Variants in PIGQ observed in about 807,000 individuals in gnomAD.
PIGQ encodes the protein phosphatidylinositol N-acetylglucosaminyltransferase subunit Q.
In PIGQ, 54 loss-of-function variants were observed where a neutral mutation model predicts 60.3. The ratio of observed to expected loss-of-function variants is 0.90; its 90% CI spans 0.72 to 1.12. The LOEUF is 1.12. Among genes scored for constraint, PIGQ ranks in the 50% most tolerant of loss-of-function variants. The pLI, the probability that PIGQ is intolerant of heterozygous loss-of-function variation, is 0.00. For missense variants in PIGQ, 799 were observed against 793.5 expected, an observed-to-expected ratio of 1.01 and a Z score of -0.08; for synonymous variants, 416 against 363.7, an observed-to-expected ratio of 1.14 and a Z score of -1.64.
chr16:580,911 C>T lies in PIGQ; in HGVS notation c.1470C>T (p.Leu490=), dbSNP rs1253169688. 3 of 1,609,226 alleles carry T rather than the reference C, an allele frequency of 1.9e-6. No homozygotes were observed. Among genetic ancestry groups the T allele is most frequent in the South Asian group, 1.1e-5 (1 of 91,034 alleles). ...GCCTGATCCATCTGCTCGTGGACCT[C>T]ATCAACTCCCTGCCGCTGTACTCAC... The part of the protein sequence containing the change: ...VQGLIHLLVD[L]INSLPLYSLG... The change falls in exon 9 of 11, where the codon CTC becomes CTT. Residue 490 remains leucine, a synonymous_variant. Coordinates refer to ENST00000321878, the MANE Select transcript of PIGQ (RefSeq NM_004204.5).
intron 5 of PIGQ, 48 bp from the exon 6 acceptor site, chr16:578,737 G>C: frequency 2.5e-6 from 4 of 1,595,512 alleles, no homozygotes; most frequent in Non-Finnish European, 3.4e-6. Flanking sequence ...GTGCTGGGCC[G>C]AGGGCTGGGG....
chr16:575,722 C>T lies in PIGQ; in HGVS notation c.690-117C>T, dbSNP rs1017262118. On this transcript the variant is annotated intron_variant, in intron 2 of 10. Coordinates refer to ENST00000321878, the MANE Select transcript of PIGQ (RefSeq NM_004204.5). Reference sequence around the variant, plus strand: ...GCCACCGAGGGCCCCTCCCACCTGCCCCCTGTCCTGCTGAGCTCAGGAGTG... The same window carrying T: ...GCCACCGAGGGCCCCTCCCACCTGCTCCCTGTCCTGCTGAGCTCAGGAGTG... 6 of 1,144,182 alleles carry T rather than the reference C, an allele frequency of 5.2e-6. No homozygotes were observed. The Admixed American group carries it at 1.1e-4, about 20-fold the overall frequency. 70.9% of individuals were successfully genotyped at this position (1,144,182 alleles called of 1,614,324 possible). A position where few individuals can be genotyped will look rare whatever the true frequency, so the allele number is the denominator to read the frequency against.
chr16:577,671 G>A (rs1016782002), intron 4 of PIGQ, among the ~76,000 whole-genome samples: 3 of 152,228 alleles, frequency 2.0e-5, no homozygotes, highest in African/African-American at 7.2e-5. Context: ...CCTGCGCAAT[G>A]GGCAAGTGGG....
chr16:574,079 T>G lies in PIGQ; in HGVS notation c.5T>G (p.Val2Gly). The G allele has an allele frequency of 6.3e-7, 1 of 1,596,542 alleles. No homozygotes were observed. Among genetic ancestry groups the G allele is most frequent in the Non-Finnish European group, 8.5e-7 (1 of 1,171,592 alleles). Residue 2 changes from valine (V) to glycine (G), a missense_variant, in exon 2 of 11, where the codon GTG (valine) becomes GGG (glycine). Transcript: ENST00000321878. The part of the protein sequence containing the change: M[V>G]LKAFFPTCCV... ...CTTCTCTTCCAGCCTCCCGGCATGG[T>G]GCTCAAGGCCTTCTTCCCCACGTGC...
rs2035754550 is a variant in PIGQ, at chr16:578,385, G to A, written c.949G>A (p.Ala317Thr). The change falls in exon 5 of 11, where the codon GCC (alanine) becomes ACC (threonine). Residue 317 changes from alanine to threonine, a missense_variant. Ala to Thr is a moderately conservative substitution (Grantham distance 58). Coordinates refer to ENST00000321878, the MANE Select transcript of PIGQ (RefSeq NM_004204.5). ...DALVPVADHV[A>T]EELQHLLQWL... ...GGCCCCTGTGTCCCTGCAGCACGTG[G>A]CCGAGGAGCTCCAGCATCTGCTGCA... The A allele has an allele frequency of 1.9e-6, 3 of 1,609,860 alleles. No homozygotes were observed. The highest frequency in any genetic ancestry group is 1.3e-5 in the African/African-American group (1 of 75,042).
At chr16:577,253 T>C (rs2035731707) in intron 4 of PIGQ, 1 of 152,242 alleles carries the variant, frequency 6.6e-6, no homozygotes, top group African/African-American at 2.4e-5. Flanking sequence ...TCTTATCCTT[T>C]AAATATTAAA....
rs144951144 is a variant in PIGQ, at chr16:579,864, G to A, written c.1336-319G>A. 83 of 227,184 alleles carry A rather than the reference G, an allele frequency of 3.7e-4. 1 individual carries two copies. Among genetic ancestry groups the A allele is most frequent in the African/African-American group, 1.8e-3 (79 of 43,918 alleles). 14.1% of individuals were successfully genotyped at this position (227,184 alleles called of 1,614,324 possible). On this transcript the variant is annotated intron_variant, in intron 7 of 10. Transcript: ENST00000321878. ...GAGGTGCCCGGGCTCGGAGACTAGA[G>A]TTGCCCGGGCCCGTCTGCTGCTCAC...
At chr16:578,347 C>T in intron 4 of PIGQ, 32 bp from the exon 5 acceptor site, 1 of 1,592,444 alleles carries the variant, frequency 6.3e-7, no homozygotes, top group Non-Finnish European at 8.5e-7. Flanking sequence ...CCTGGCTGCC[C>T]CCGCCCCAGC....
intron 4 of PIGQ, 36 bp from the exon 5 acceptor site, chr16:578,343 T>C (rs745833325): frequency 1.9e-6 from 3 of 1,589,218 alleles, no homozygotes; most frequent in South Asian, 2.2e-5. Context: ...TGAGCCTGGC[T>C]GCCCCCGCCC....
At chr16:573,976 G>A in intron 1 of PIGQ, 90 bp from the exon 2 acceptor site, 1 of 886,964 alleles carries the variant, frequency 1.1e-6, no homozygotes, top group African/African-American at 1.7e-5. Flanking sequence ...CCCTGTGGCT[G>A]CACCTGTCAG....
Position 574,540 on chromosome 16 carries a change from A to G in PIGQ, c.466A>G (p.Thr156Ala), listed in dbSNP as rs761546913. ...GCCCGACCGCCAGGCTGGAGCCACC[A>G]CTGCCAGCACGGGGGGCCTGGCTGC... ...VLPDRQAGAT[T>A]ASTGGLAAVF... The change falls in exon 2 of 11, where the codon ACT becomes GCT. Residue 156 changes from threonine to alanine, a missense_variant. Physicochemically the swap from Thr to Ala is moderately conservative, Grantham distance 58 (BLOSUM62 0). Transcript: ENST00000321878. The G allele has an allele frequency of 3.1e-5, 50 of 1,605,550 alleles. No homozygotes were observed. In the Admixed American group the frequency reaches 6.1e-4, roughly 19 times the overall value.
chr16:575,669 G>A (rs553166844), intron 2 of PIGQ, among the ~76,000 whole-genome samples, 170 bp from the exon 3 acceptor site: 8 of 152,300 alleles, frequency 5.3e-5, no homozygotes, highest in African/African-American at 1.9e-4. Context: ...TGAGGTGGGC[G>A]CGTTGAGCGC....
At chr16:582,045 C>G (rs747335868) in intron 9 of PIGQ, 1 of 659,424 alleles carries the variant, frequency 1.5e-6, no homozygotes, top group South Asian at 1.6e-5. Context: ...CGTGAGCCAC[C>G]GTGCCTGGCT....
rs555154709 is a variant in PIGQ at position 578,388 on chromosome 16, G to A, written c.952G>A (p.Glu318Lys). The A allele has an allele frequency of 9.9e-6, 16 of 1,610,452 alleles. No homozygotes were observed. The highest frequency in any genetic ancestry group is 8.9e-5 in the East Asian group (4 of 44,870). Reference sequence around the variant, plus strand: ...CCCTGTGTCCCTGCAGCACGTGGCCGAGGAGCTCCAGCATCTGCTGCAGTG... The same window carrying A: ...CCCTGTGTCCCTGCAGCACGTGGCCAAGGAGCTCCAGCATCTGCTGCAGTG... ...ALVPVADHVA[E>K]ELQHLLQWLM... Residue 318 changes from glutamate (E) to lysine (K), a missense_variant, in exon 5 of 11, where the codon GAG becomes AAG. Glu to Lys is a moderately conservative substitution (Grantham distance 56, BLOSUM62 1). Transcript: ENST00000321878.
rs756438231 is a variant in PIGQ, at chr16:578,852, G to A, written c.1137G>A (p.Leu379=). The A allele has an allele frequency of 5.1e-5, 83 of 1,613,658 alleles. No individual in the cohort carries two copies. Among genetic ancestry groups the A allele is most frequent in the Non-Finnish European group, 5.4e-5 (64 of 1,179,934 alleles). ...GGCACGTGGGCCTCTCGGCCTGCCT[G>A]GGCCTGACGGTGGCCCTGTCCCTCC... ...ILWHVGLSAC[L]GLTVALSLLS... is the part of the protein sequence containing the mutation. Residue 379 remains leucine (L), a synonymous_variant, in exon 6 of 11, where the codon CTG becomes CTA. Coordinates refer to ENST00000321878, the MANE Select transcript of PIGQ (RefSeq NM_004204.5).
At chr16:576,452 T>C in intron 4 of PIGQ, 198 bp downstream of exon 4, 1 of 647,592 alleles carries the variant, frequency 1.5e-6, no homozygotes, top group East Asian at 2.8e-5. Flanking sequence ...GCCTCGCAGG[T>C]ACACCCCCCT....
chr16:576,692 T>C, intron 4 of PIGQ: 1 of 427,396 alleles, frequency 2.3e-6, no homozygotes, highest in Non-Finnish European at 4.1e-6. Flanking sequence ...GTGCTGATTC[T>C]GTAACTCCTG....
At position 574,132 on chromosome 16, in the gene PIGQ, G is replaced by A; in HGVS notation, c.58G>A (p.Val20Met). ...CCVSTDSGLL[V>M]GRWVPEQSSA... is the part of the protein sequence containing the mutation. ...CGTCTCGACGGACAGCGGGCTGCTG[G>A]TGGGACGGTGGGTGCCGGAGCAGAG... The change falls in exon 2 of 11, where the codon GTG becomes ATG. Residue 20 changes from valine (V) to methionine (M), a missense_variant. Val to Met is a conservative substitution (Grantham distance 21, BLOSUM62 1). Transcript: ENST00000321878. 1 of 1,611,742 alleles carries A rather than the reference G, an allele frequency of 6.2e-7. No individual in the cohort carries two copies. Among genetic ancestry groups the A allele is most frequent in the East Asian group, 2.2e-5 (1 of 44,870 alleles).
chr16:576,031 C>G, intron 3 of PIGQ, 61 bp downstream of exon 3: 1 of 1,549,998 alleles, frequency 6.5e-7, no homozygotes, highest in Non-Finnish European at 8.7e-7. Flanking sequence ...CTTCTCCATC[C>G]CCCTCTGCAC....
Sources: gnomAD v4.1 joint callset for allele counts (sites outside exome capture counted in the v4.1 genomes callset) on GRCh38, gnomAD v4.1.1 for gene constraint, MANE v1.5 for transcripts, NCBI Gene and HGNC (gene_info 2026-07-23, HGNC 2026-07-21) for gene names.